The following TBL1XR1 variants were observed in gnomAD, a reference collection of about 807,000 sequenced individuals.
TBL1XR1 encodes TBL1X/Y related 1, also known as F-box-like/WD repeat-containing protein TBL1XR1.
In TBL1XR1, 5 loss-of-function variants were observed where a neutral mutation model predicts 66.9. The observed-to-expected ratio is 0.07, with a 90% CI of 0.04 to 0.16. The LOEUF is 0.16. Among genes scored for constraint, TBL1XR1 ranks in the 10% least tolerant of loss-of-function variants. The pLI is 1.00. For missense variants in TBL1XR1, 238 were observed against 623.2 expected (o/e 0.38, Z 6.58); for synonymous variants, 210 against 206.0 (o/e 1.02, Z -0.17).
intron 1 of TBL1XR1, among the ~76,000 whole-genome samples, chr3:177,183,991 G>C (rs1577417260): frequency 7.0e-6 from 1 of 142,128 alleles, no homozygotes. Context: ...TTACTGCTGA[G>C]AAGAGGGCCA....
intron 1 of TBL1XR1, among the ~76,000 whole-genome samples, chr3:177,165,327 T>G (rs551190585): frequency 3.9e-5 from 6 of 152,124 alleles, no homozygotes; most frequent in Non-Finnish European, 8.8e-5. Context: ...ATGAAGAAAG[T>G]CTGATGAAAT....
chr3:177,082,592 C>T (rs577121570), intron 2 of TBL1XR1, among the ~76,000 whole-genome samples: 21 of 151,100 alleles, frequency 1.4e-4, no homozygotes, highest in Non-Finnish European at 3.0e-4. Context: ...AACAGTTATG[C>T]GTAACACTAG....
chr3:177,047,062 A>G (rs1716427032), intron 9 of TBL1XR1, among the ~76,000 whole-genome samples: 1 of 152,190 alleles, frequency 6.6e-6, no homozygotes, highest in Non-Finnish European at 1.5e-5. Flanking sequence ...GACGTATGAC[A>G]TTGTTTATGG....
At position 177,182,719 on chromosome 3, in the gene TBL1XR1, TG is replaced by T. The variant is rs1439540681; in HGVS notation, c.-122+14401del. On this transcript the variant is annotated intron_variant, in intron 1 of 15. Transcript: ENST00000457928. ...GCCTGTGCTAGAAACACATGACTAG[TG>T]GTCATCATTGGCAAGGATGTTAATT... Among the ~76,000 whole-genome samples, 3 of 152,206 alleles carry T rather than the reference TG, an allele frequency of 2.0e-5. No homozygotes were observed. The East Asian group carries it at 5.8e-4, about 29-fold the overall frequency.
intron 1 of TBL1XR1, among the ~76,000 whole-genome samples, chr3:177,143,942 T>G (rs894769891): frequency 1.3e-5 from 2 of 152,142 alleles, no homozygotes; most frequent in Admixed American, 1.3e-4. Context: ...CTTCTAACAG[T>G]GTTGGAGTTA....
At chr3:177,191,445 C>A (rs757743067) in intron 1 of TBL1XR1, among the ~76,000 whole-genome samples, 8 of 152,240 alleles carry the variant, frequency 5.3e-5, no homozygotes, top group Non-Finnish European at 8.8e-5. Flanking sequence ...CCTGCTCTGT[C>A]CCCTACTACC....
chr3:177,192,538 T>A (rs1050983166), intron 1 of TBL1XR1, among the ~76,000 whole-genome samples: 4 of 152,082 alleles, frequency 2.6e-5, no homozygotes, highest in African/African-American at 9.7e-5. Flanking sequence ...ACCAATCATG[T>A]AAATTATTCA....
chr3:177,047,207 G>T (rs1175458693), intron 9 of TBL1XR1, 93 bp downstream of exon 9: 1 of 1,021,782 alleles, frequency 9.8e-7, no homozygotes. Flanking sequence ...TTCCCAAATA[G>T]GAATGTTTAT....
intron 1 of TBL1XR1, among the ~76,000 whole-genome samples, chr3:177,121,421 T>C (rs1321516806): frequency 6.6e-6 from 1 of 152,156 alleles, no homozygotes; most frequent in Non-Finnish European, 1.5e-5. Context: ...ATGTCAATCT[T>C]TTTCTTCCCT....
intron 3 of TBL1XR1, among the ~76,000 whole-genome samples, chr3:177,059,677 T>C (rs1375390273): frequency 6.6e-6 from 1 of 152,174 alleles, no homozygotes; most frequent in Admixed American, 6.5e-5. Context: ...AGCCTACATG[T>C]ATTATCCTTC....
intron 1 of TBL1XR1, among the ~76,000 whole-genome samples, chr3:177,164,627 C>A (rs941488788): frequency 6.6e-6 from 1 of 152,126 alleles, no homozygotes; most frequent in Non-Finnish European, 1.5e-5. Context: ...GGATTACAGG[C>A]GTGAGCCACT....
chr3:177,180,125 T>TA (rs1006446753), intron 1 of TBL1XR1, among the ~76,000 whole-genome samples: 1 of 151,242 alleles, frequency 6.6e-6, no homozygotes, highest in African/African-American at 2.4e-5. Flanking sequence ...TAATCCCAGC[T>TA]ACTTGGGAGG....
At chr3:177,050,334 A>T in intron 6 of TBL1XR1, 144 bp downstream of exon 6, 1 of 1,257,650 alleles carries the variant, frequency 8.0e-7, no homozygotes, top group Non-Finnish European at 1.1e-6. Flanking sequence ...AAAATTCTAC[A>T]ATTACTTCAT....
At chr3:177,177,169 T>C (rs548751328) in intron 1 of TBL1XR1, among the ~76,000 whole-genome samples, 1 of 152,104 alleles carries the variant, frequency 6.6e-6, no homozygotes, top group Non-Finnish European at 1.5e-5. Context: ...TTGCATGAAG[T>C]TTCTATCATA....
At chr3:177,077,819 G>A (rs1266447715) in intron 2 of TBL1XR1, among the ~76,000 whole-genome samples, 2 of 152,114 alleles carry the variant, frequency 1.3e-5, no homozygotes, top group Non-Finnish European at 2.9e-5. Flanking sequence ...CTTTCCTCCT[G>A]TACCCCTAAG....
At chr3:177,080,668 A>C (rs1017000949) in intron 2 of TBL1XR1, among the ~76,000 whole-genome samples, 1 of 152,184 alleles carries the variant, frequency 6.6e-6, no homozygotes, top group Non-Finnish European at 1.5e-5. Context: ...TTTTTTTAAA[A>C]GAGTGTCTCC....
rs4857823 is a variant in TBL1XR1, at chr3:177,178,946, C to T, written c.-122+18175G>A. Among the ~76,000 whole-genome samples, 7,258 of 151,792 alleles carry T rather than the reference C, an allele frequency of 0.048. 775 individuals carry two copies. The East Asian group carries it at 0.49, about 10-fold the overall frequency. On this transcript the variant is annotated intron_variant, in intron 1 of 15. Coordinates refer to ENST00000457928, the MANE Select transcript of TBL1XR1 (RefSeq NM_024665.7). ...CATCCTGGCTAACACGGTGAAACCCCGTTCTACTAAAAATACAAAAATTAG... is the reference window on the plus strand; with the variant it reads ...CATCCTGGCTAACACGGTGAAACCCTGTTCTACTAAAAATACAAAAATTAG...
At chr3:177,098,120 A>G (rs758689478) in intron 2 of TBL1XR1, among the ~76,000 whole-genome samples, 41 of 152,156 alleles carry the variant, frequency 2.7e-4, no homozygotes, top group Non-Finnish European at 5.1e-4. Context: ...GAGGCAGGAC[A>G]ATCGCTTTAA....
intron 14 of TBL1XR1, among the ~76,000 whole-genome samples, chr3:177,031,238 A>G (rs1156330879): frequency 6.6e-6 from 1 of 152,230 alleles, no homozygotes; most frequent in East Asian, 1.9e-4. Flanking sequence ...TAGTTACAGA[A>G]TATATCCAAC....
Sources: allele counts gnomAD v4.1 joint callset (sites outside exome capture counted in the v4.1 genomes callset), GRCh38; gene constraint gnomAD v4.1.1; transcripts MANE v1.5; gene names NCBI Gene and HGNC (gene_info 2026-07-23, HGNC 2026-07-21).